The following PCSK6 variants were observed in gnomAD, a reference collection of about 807,000 sequenced individuals.
PCSK6 encodes the protein proprotein convertase subtilisin/kexin type 6, also known as paired basic amino acid cleaving enzyme 4.
PCSK6 carries 85 observed loss-of-function variants against 123.3 expected under a neutral mutation model. The ratio of observed to expected loss-of-function variants is 0.69; its 90% CI spans 0.58 to 0.83. The LOEUF (loss-of-function observed/expected upper bound fraction) is 0.83. Among genes scored for constraint, PCSK6 ranks in the 40% least tolerant of loss-of-function variants. PCSK6 has a pLI of 0.00. For synonymous variants in PCSK6, 508 were observed against 516.0 expected (o/e 0.98, Z 0.21); for missense variants, 1,191 against 1,282.3 (o/e 0.93, Z 1.09).
intron 6 of PCSK6, among the ~76,000 whole-genome samples, chr15:101,412,710 T>A (rs1567202549): frequency 7.2e-6 from 1 of 139,294 alleles, no homozygotes; most frequent in African/African-American, 2.9e-5. Context: ...TATATATATA[T>A]ATAAAATTAC....
At chr15:101,345,548 A>T (rs1335754664) in intron 13 of PCSK6, among the ~76,000 whole-genome samples, 3 of 152,282 alleles carry the variant, frequency 2.0e-5, no homozygotes, top group African/African-American at 7.2e-5. Flanking sequence ...AAAAAAATTT[A>T]TATGAATTAC....
intron 4 of PCSK6, 26 bp downstream of exon 4, chr15:101,431,294 C>T: frequency 6.2e-7 from 1 of 1,612,010 alleles, no homozygotes; most frequent in Non-Finnish European, 8.5e-7. Flanking sequence ...AATATATTTG[C>T]ATGTCAGTTC....
In PCSK6 at chr15:101,370,505, C is replaced by T; in HGVS notation, c.1551G>A (p.Gln517=). 1 of 1,522,546 alleles carries T rather than the reference C, an allele frequency of 6.6e-7. No individual in the cohort carries two copies. The highest frequency in any genetic ancestry group is 8.8e-7 in the Non-Finnish European group (1 of 1,130,240). 94.3% of individuals were successfully genotyped at this position (1,522,546 alleles called of 1,614,324 possible). The change falls in exon 12 of 22, where the codon CAG becomes CAA. Residue 517 remains glutamine, a synonymous_variant. Coordinates refer to ENST00000611716, the MANE Select transcript of PCSK6 (RefSeq NM_002570.5). The part of the protein sequence containing the change: ...DKRPRSIPLV[Q]VLRTTALTSA... ...TGGTCAGGGCCGTAGTCCGCAGCAC[C>T]TGCACTAAGGGGATGCTCCTGGGGG...
intron 2 of PCSK6, among the ~76,000 whole-genome samples, chr15:101,438,325 A>T (rs937534233): frequency 1.3e-5 from 2 of 152,250 alleles, no homozygotes; most frequent in African/African-American, 4.8e-5. Flanking sequence ...TCCATAATTT[A>T]GCCAAGGTGG....
intron 11 of PCSK6, among the ~76,000 whole-genome samples, chr15:101,372,730 T>C (rs1158473294): frequency 6.6e-6 from 1 of 152,194 alleles, no homozygotes; most frequent in Non-Finnish European, 1.5e-5. Context: ...AGTGCTCCCC[T>C]GGGGCTTCAA....
Position 101,340,108 on chromosome 15 carries a change from A to G in PCSK6, c.1859-8077T>C, listed in dbSNP as rs1596201657. ...ATTTAGGAATGGCTTGGAAAGGAGG[A>G]TAAGAAAAAGAGTACATATATGTGT... On this transcript the variant is annotated intron_variant, in intron 13 of 21. Coordinates refer to ENST00000611716, the MANE Select transcript of PCSK6 (RefSeq NM_002570.5). Among the ~76,000 whole-genome samples the G allele has an allele frequency of 2.6e-5, 4 of 152,168 alleles. No individual in the cohort carries two copies. In the South Asian group the frequency reaches 8.3e-4, roughly 32 times the overall value.
At chr15:101,360,558 G>GAACGCTTTGCTTGGAAT (rs1567164230) in intron 13 of PCSK6, among the ~76,000 whole-genome samples, 11 of 125,212 alleles carry the variant, frequency 8.8e-5, no homozygotes, top group East Asian at 2.9e-4. Flanking sequence ...AGCATCCCCT[G>GAACGCTTTGCTTGGAAT]GAACACACCA....
chr15:101,322,974 C>T (rs2040164109), intron 17 of PCSK6, among the ~76,000 whole-genome samples: 1 of 152,318 alleles, frequency 6.6e-6, no homozygotes, highest in Admixed American at 6.5e-5. Context: ...CCTGAGGCTG[C>T]CGCTTGCCCA....
chr15:101,402,380 A>C (rs1304899051), intron 6 of PCSK6, among the ~76,000 whole-genome samples: 1 of 151,068 alleles, frequency 6.6e-6, no homozygotes, highest in East Asian at 1.9e-4. Flanking sequence ...CATGTCTAAA[A>C]CACCAAAAGC....
chr15:101,406,501 TTTTTG>T (rs1389743688), intron 6 of PCSK6, among the ~76,000 whole-genome samples: 1 of 152,158 alleles, frequency 6.6e-6, no homozygotes, highest in African/African-American at 2.4e-5. Context: ...TTATGTTTTG[TTTTTG>T]TTTTGTTTTT....
intron 10 of PCSK6, among the ~76,000 whole-genome samples, chr15:101,382,610 T>G (rs117363516): frequency 6.6e-6 from 1 of 152,136 alleles, no homozygotes; most frequent in African/African-American, 2.4e-5. Flanking sequence ...GTTCACACAA[T>G]TACCACGTGC....
intron 1 of PCSK6, among the ~76,000 whole-genome samples, chr15:101,471,478 A>G (rs373732832): frequency 1.3e-5 from 2 of 152,192 alleles, no homozygotes. Flanking sequence ...CACTAAAATC[A>G]CTTGATCAAA....
chr15:101,396,887 G>C (rs1176463365), intron 7 of PCSK6, among the ~76,000 whole-genome samples: 1 of 152,086 alleles, frequency 6.6e-6, no homozygotes, highest in African/African-American at 2.4e-5. Context: ...TTAGTGTCTG[G>C]GTGAGTACTA....
rs558988985 is a variant in PCSK6 at position 101,326,613 on chromosome 15, G to A, written c.2078-134C>T. Reference sequence around the variant, plus strand: ...CTCCCAGGCCCCGCTGGGGCTGGACGGCCAGACGACAAGGCGGGAGCAGCC... The same window carrying A: ...CTCCCAGGCCCCGCTGGGGCTGGACAGCCAGACGACAAGGCGGGAGCAGCC... On this transcript the variant is annotated intron_variant, in intron 15 of 21. Coordinates refer to ENST00000611716, the MANE Select transcript of PCSK6 (RefSeq NM_002570.5). 5.4e-4 allele frequency: 437 copies of A among 804,408 alleles called. 4 individuals carry two copies. The highest frequency in any genetic ancestry group is 1.7e-3 in the South Asian group (100 of 58,494). The allele number at this position is 804,408 out of a possible 1,614,324, so 49.8% of individuals were successfully genotyped here.
At chr15:101,389,336 C>G in intron 9 of PCSK6, 128 bp downstream of exon 9, 1 of 714,668 alleles carries the variant, frequency 1.4e-6, no homozygotes, top group South Asian at 1.6e-5. Flanking sequence ...TGCAGGTGCA[C>G]GACTCACTGA....
chr15:101,419,633 A>G (rs373021555), intron 6 of PCSK6, among the ~76,000 whole-genome samples: 1 of 152,056 alleles, frequency 6.6e-6, no homozygotes, highest in Non-Finnish European at 1.5e-5. Context: ...AAAAGGAACC[A>G]TAAGAGAAAA....
chr15:101,447,325 A>C (rs991416033), intron 1 of PCSK6, among the ~76,000 whole-genome samples: 1 of 152,038 alleles, frequency 6.6e-6, no homozygotes, highest in East Asian at 1.9e-4. Flanking sequence ...GCCTGGTTGA[A>C]CATGAAGGAC....
chr15:101,475,681 G>T lies in PCSK6; in HGVS notation c.297+13693C>A, dbSNP rs1387017662. ...TTTTTTTTTTTTTTTTGTAGAGTCAGGAACTTGCCATCTTGCCCAGGCTGG... is the reference window on the plus strand; with the variant it reads ...TTTTTTTTTTTTTTTTGTAGAGTCATGAACTTGCCATCTTGCCCAGGCTGG... On this transcript the variant is annotated intron_variant, in intron 1 of 21. Transcript: ENST00000611716. Among the ~76,000 whole-genome samples the T allele has an allele frequency of 4.4e-5, 6 of 135,504 alleles. No homozygotes were observed. In the East Asian group the frequency reaches 1.2e-3, roughly 28 times the overall value. The allele number at this position is 135,504 out of a possible 152,430, so 88.9% of individuals were successfully genotyped here.
At chr15:101,455,457 A>G (rs905078629) in intron 1 of PCSK6, among the ~76,000 whole-genome samples, 1 of 152,248 alleles carries the variant, frequency 6.6e-6, no homozygotes, top group Non-Finnish European at 1.5e-5. Flanking sequence ...GGACGGCCAG[A>G]GTCACCTGAC....
Sources: gnomAD v4.1 joint callset for allele counts (sites outside exome capture counted in the v4.1 genomes callset) on GRCh38, gnomAD v4.1.1 for gene constraint, MANE v1.5 for transcripts, NCBI Gene and HGNC (gene_info 2026-07-23, HGNC 2026-07-21) for gene names.